The following BCAR3 variants were observed in gnomAD, a reference collection of about 807,000 sequenced individuals.
The protein encoded by BCAR3 is BCAR3 adaptor protein, NSP family member, also known as breast cancer anti-estrogen resistance protein 3.
Under a neutral mutation model 80.1 loss-of-function variants are expected in BCAR3, and 37 were observed. That is an observed-to-expected ratio of 0.46 (90% confidence interval 0.36 to 0.61). The LOEUF is 0.61. BCAR3 is among the 20% of genes least tolerant of loss of function. BCAR3 has a pLI of 0.00. For missense variants in BCAR3, 978 were observed against 1,068.2 expected (o/e 0.92, Z 1.18); for synonymous variants, 389 against 418.9 (o/e 0.93, Z 0.87).
intron 2 of BCAR3, among the ~76,000 whole-genome samples, chr1:93,751,834 G>T (rs1048473913): frequency 5.3e-5 from 8 of 152,234 alleles, no homozygotes; most frequent in African/African-American, 1.9e-4. Context: ...GGCTGGGGCT[G>T]CTGCCCTGGC....
At chr1:93,723,620 C>G (rs1650483041) in intron 2 of BCAR3, 1 of 152,204 alleles carries the variant, frequency 6.6e-6, no homozygotes, top group Admixed American at 6.5e-5. Flanking sequence ...CCCCTCAATG[C>G]CTTTATTAAA....
chr1:93,634,720 C>CAACA (rs201051828), intron 3 of BCAR3, among the ~76,000 whole-genome samples: 1 of 129,512 alleles, frequency 7.7e-6, no homozygotes, highest in Non-Finnish European at 1.7e-5. Context: ...ACAACAACAA[C>CAACA]AAAAAAAAAA....
At chr1:93,755,776 CGTGTGCATGTGT>C (rs1476090270) in intron 2 of BCAR3, among the ~76,000 whole-genome samples, 4 of 152,068 alleles carry the variant, frequency 2.6e-5, no homozygotes, top group Non-Finnish European at 5.9e-5. Context: ...TGTACGTGTG[CGTGTGCATGTGT>C]GTGCGTGCAT....
intron 2 of BCAR3, among the ~76,000 whole-genome samples, chr1:93,820,245 G>A (rs1654166156): frequency 6.6e-6 from 1 of 152,164 alleles, no homozygotes; most frequent in Non-Finnish European, 1.5e-5. Context: ...TCCAAACTAA[G>A]TACTTGTACT....
chr1:93,650,463 A>T (rs140395293), intron 2 of BCAR3, among the ~76,000 whole-genome samples: 1 of 152,228 alleles, frequency 6.6e-6, no homozygotes, highest in South Asian at 2.1e-4. Context: ...ATAAAGCCAG[A>T]CTACCTGGTT....
At chr1:93,752,613 C>A (rs1651598080) in intron 2 of BCAR3, among the ~76,000 whole-genome samples, 1 of 152,324 alleles carries the variant, frequency 6.6e-6, no homozygotes, top group South Asian at 2.1e-4. Context: ...CATACGGTAT[C>A]ATTGCTCTCA....
At chr1:93,733,189 C>T (rs1468845583) in intron 2 of BCAR3, among the ~76,000 whole-genome samples, 2 of 152,044 alleles carry the variant, frequency 1.3e-5, no homozygotes, top group Non-Finnish European at 2.9e-5. Flanking sequence ...ATATTCTAGC[C>T]CCTCCCCACC....
intron 2 of BCAR3, among the ~76,000 whole-genome samples, chr1:93,776,397 T>C (rs2100750192): frequency 6.6e-6 from 1 of 152,298 alleles, no homozygotes; most frequent in African/African-American, 2.4e-5. Context: ...TCTGCGGAAA[T>C]GTACTACTGT....
Position 93,592,439 on chromosome 1 carries a change from C to T in BCAR3, c.358-46G>A. 1 of 1,532,498 alleles carries T rather than the reference C, an allele frequency of 6.5e-7. No individual in the cohort carries two copies. Among genetic ancestry groups the T allele is most frequent in the Middle Eastern group, 1.8e-4 (1 of 5,684 alleles). 94.9% of individuals were successfully genotyped at this position (1,532,498 alleles called of 1,614,324 possible). Reference sequence around the variant, plus strand: ...TGAGCTCACCCTGCCCAGGCCACACCAGGCCATGCCAGCTGGAGGTGACCG... The same window carrying T: ...TGAGCTCACCCTGCCCAGGCCACACTAGGCCATGCCAGCTGGAGGTGACCG... On this transcript the variant is annotated intron_variant, in intron 3 of 11. Coordinates refer to ENST00000260502, the MANE Select transcript of BCAR3 (RefSeq NM_003567.4). The surrounding 1 kb of genome is among the most constrained non-coding windows in gnomAD (Gnocchi z 4.8).
At chr1:93,650,994 A>T (rs2101919422) in intron 2 of BCAR3, among the ~76,000 whole-genome samples, 1 of 152,364 alleles carries the variant, frequency 6.6e-6, no homozygotes, top group South Asian at 2.1e-4. Context: ...CACATCTGGA[A>T]TATTCACTTA....
chr1:93,755,777 G>A (rs140226289), intron 2 of BCAR3, among the ~76,000 whole-genome samples: 14 of 152,304 alleles, frequency 9.2e-5, no homozygotes, highest in East Asian at 1.9e-4. Context: ...GTACGTGTGC[G>A]TGTGCATGTG....
At chr1:93,611,362 C>T (rs3767979) in intron 3 of BCAR3, among the ~76,000 whole-genome samples, 9,272 of 152,220 alleles carry the variant, frequency 0.061, 537 homozygotes, top group African/African-American at 0.14. Flanking sequence ...ACATTCAACA[C>T]GCATGGACTT....
chr1:93,587,491 C>T (rs1015179493), intron 5 of BCAR3, among the ~76,000 whole-genome samples: 1 of 152,214 alleles, frequency 6.6e-6, no homozygotes, highest in African/African-American at 2.4e-5. Context: ...AAGGTCAAGT[C>T]GCTTGCCCAT....
chr1:93,700,459 G>T (rs1254254230), intron 3 of BCAR3, among the ~76,000 whole-genome samples: 1 of 152,220 alleles, frequency 6.6e-6, no homozygotes, highest in Non-Finnish European at 1.5e-5. Context: ...GAGCCACTGC[G>T]CCTGGCCTAG....
rs1002875765 is a variant in BCAR3 at position 93,642,998 on chromosome 1, C to T, written c.318-655G>A. Among the ~76,000 whole-genome samples, 11 of 150,944 alleles carry T rather than the reference C, an allele frequency of 7.3e-5. No homozygotes were observed. The East Asian group carries it at 9.8e-4, about 13-fold the overall frequency. ...ATCCCAGCACTTTGGGAGGCCAAGG[C>T]GGGAGGATCAAGGCAGGTGGGGAGT... On this transcript the variant is annotated intron_variant, in intron 2 of 11. Coordinates refer to ENST00000260502, the MANE Select transcript of BCAR3 (RefSeq NM_003567.4).
At chr1:93,828,919 T>C (rs1405125087) in intron 2 of BCAR3, among the ~76,000 whole-genome samples, 1 of 152,174 alleles carries the variant, frequency 6.6e-6, no homozygotes, top group African/African-American at 2.4e-5. Context: ...CTTGAACTCC[T>C]GGGCTCAAGT....
intron 3 of BCAR3, among the ~76,000 whole-genome samples, chr1:93,625,815 C>A (rs892873796): frequency 6.6e-6 from 1 of 152,180 alleles, no homozygotes; most frequent in East Asian, 1.9e-4. Flanking sequence ...GCCAGCAAAT[C>A]CACACTGGGA....
intron 2 of BCAR3, among the ~76,000 whole-genome samples, chr1:93,783,696 A>G (rs1024251077): frequency 2.2e-4 from 33 of 152,376 alleles, no homozygotes; most frequent in African/African-American, 7.5e-4. Flanking sequence ...AGCGTAAAAC[A>G]TGCAAAATTA....
chr1:93,689,354 A>C (rs1469894469), intron 3 of BCAR3, among the ~76,000 whole-genome samples: 1 of 152,072 alleles, frequency 6.6e-6, no homozygotes, highest in East Asian at 1.9e-4. Context: ...TCACTTTGGC[A>C]GCACATATAC....
Sources: allele counts gnomAD v4.1 joint callset (sites outside exome capture counted in the v4.1 genomes callset), GRCh38; gene constraint gnomAD v4.1.1; non-coding constraint Gnocchi (gnomAD v3.1); transcripts MANE v1.5; gene names NCBI Gene and HGNC (gene_info 2026-07-23, HGNC 2026-07-21).